MTTP: variants seen among roughly 807,000 people sequenced by gnomAD.
MTTP encodes microsomal triglyceride transfer protein large subunit.
In MTTP, 49 loss-of-function variants were observed where a neutral mutation model predicts 90.6. The observed-to-expected ratio is 0.54, with a 90% confidence interval of 0.43 to 0.69. The LOEUF is 0.69. Ranked by LOEUF, MTTP falls within the 30% of genes least tolerant of loss-of-function variation. The pLI is 0.00. For synonymous variants in MTTP, 347 were observed against 384.2 expected, an observed-to-expected ratio of 0.90 and a Z score of 1.13; for missense variants, 945 against 1,067.5, an observed-to-expected ratio of 0.89 and a Z score of 1.60.
At chr4:99,610,688 T>C (rs969710992) in intron 12 of MTTP, among the ~76,000 whole-genome samples, 6 of 152,144 alleles carry the variant, frequency 3.9e-5, no homozygotes, top group Admixed American at 2.6e-4. Flanking sequence ...TTCACAGATA[T>C]AGAAGAAATA....
intron 6 of MTTP, among the ~76,000 whole-genome samples, chr4:99,594,474 C>A (rs1725501262): frequency 6.6e-6 from 1 of 152,144 alleles, no homozygotes; most frequent in African/African-American, 2.4e-5. Context: ...ATCATCCAGG[C>A]AATTTTTCTT....
intron 1 of MTTP, among the ~76,000 whole-genome samples, chr4:99,565,791 C>T (rs990545975): frequency 5.9e-5 from 9 of 152,206 alleles, no homozygotes; most frequent in African/African-American, 2.2e-4. Flanking sequence ...AGGAGTTGTA[C>T]AGGTGTCAGA....
At chr4:99,577,023 C>T (rs1440309083) in intron 1 of MTTP, among the ~76,000 whole-genome samples, 1 of 152,132 alleles carries the variant, frequency 6.6e-6, no homozygotes, top group African/African-American at 2.4e-5. Flanking sequence ...CATCATGGTA[C>T]GTTGCTTATG....
At chr4:99,610,840 C>T (rs6532823) in intron 12 of MTTP, among the ~76,000 whole-genome samples, 6 of 152,124 alleles carry the variant, frequency 3.9e-5, no homozygotes, top group South Asian at 4.1e-4. Context: ...AAAACCATGA[C>T]GAATCAAAGA....
chr4:99,622,867 T>A lies in MTTP; in HGVS notation c.*19T>A, dbSNP rs762537539. ...GTTTTGAAACTGACCTGTGATATTT[T>A]ACTTGAATTTGTCTCCCCGAAAGGG... is the stretch of plus-strand genomic sequence containing the variant. On this transcript the variant is annotated 3_prime_UTR_variant, in exon 18 of 18. Transcript: ENST00000265517. 8.1e-6 allele frequency: 13 copies of A among 1,612,886 alleles called. No individual in the cohort carries two copies. The highest frequency in any genetic ancestry group is 1.1e-5 in the Non-Finnish European group (13 of 1,178,988).
chr4:99,564,906 A>G (rs1037970891), intron 1 of MTTP, among the ~76,000 whole-genome samples: 1 of 152,248 alleles, frequency 6.6e-6, no homozygotes, highest in African/African-American at 2.4e-5. Flanking sequence ...ACAAAACTAA[A>G]GTCACTCTTG....
At chr4:99,575,906 A>C (rs11937273) in intron 1 of MTTP, among the ~76,000 whole-genome samples, 39,852 of 152,134 alleles carry the variant, frequency 0.26, 5,393 homozygotes, top group South Asian at 0.35. Context: ...TTATAAACTT[A>C]TAAAACCTGT....
chr4:99,565,179 G>A (rs1407827410), intron 1 of MTTP, among the ~76,000 whole-genome samples: 1 of 152,200 alleles, frequency 6.6e-6, no homozygotes, highest in African/African-American at 2.4e-5. Context: ...CTGGCAAAGT[G>A]ATGTGCCAAA....
rs773271762 is a variant in MTTP at position 99,589,648 on chromosome 4, A to G, written c.399A>G (p.Lys133=). The G allele has an allele frequency of 1.3e-6, 2 of 1,587,884 alleles. No homozygotes were observed. The highest frequency in any genetic ancestry group is 2.2e-5 in the South Asian group (2 of 90,536). ...TLLHLIHGKV[K]EFYSYQNEAV... is the part of the protein sequence containing the mutation. ...TGTTCCCCTCTCCCCACCAGGTCAAAGAGTTCTACTCATATCAAAATGAGG... is the reference window on the plus strand; with the variant it reads ...TGTTCCCCTCTCCCCACCAGGTCAAGGAGTTCTACTCATATCAAAATGAGG... Residue 133 remains lysine (K), a synonymous_variant, in exon 4 of 18, where the codon AAA becomes AAG. Transcript: ENST00000265517.
intron 6 of MTTP, among the ~76,000 whole-genome samples, chr4:99,592,549 T>A (rs1725456670): frequency 6.6e-6 from 1 of 151,830 alleles, no homozygotes; most frequent in South Asian, 2.1e-4. Context: ...TTTTAAAAAT[T>A]TCTGGTTAAA....
At chr4:99,594,969 A>G (rs960758071) in intron 7 of MTTP, 86 bp downstream of exon 7, 2 of 1,520,910 alleles carry the variant, frequency 1.3e-6, no homozygotes, top group Admixed American at 3.4e-5. Context: ...TCATTCAATG[A>G]AGACAGTTTC....
At chr4:99,581,793 G>C in intron 1 of MTTP, 112 bp from the exon 2 acceptor site, 1 of 1,051,950 alleles carries the variant, frequency 9.5e-7, no homozygotes, top group Non-Finnish European at 1.5e-6. Context: ...GTTTCAATCA[G>C]CGAATATTTA....
upstream of MTTP, among the ~76,000 whole-genome samples, chr4:99,570,009 C>T (rs976453614): frequency 1.3e-5 from 2 of 151,784 alleles, no homozygotes; most frequent in Admixed American, 1.3e-4. Flanking sequence ...TTCCTTGTGA[C>T]ACCATTTTTA....
intron 12 of MTTP, 123 bp from the exon 13 acceptor site, chr4:99,611,020 G>T: frequency 1.0e-6 from 1 of 971,888 alleles, no homozygotes; most frequent in Non-Finnish European, 1.6e-6. Context: ...CCTGGCTCTT[G>T]GAAAGGCATG....
chr4:99,620,228 C>G (rs1157657120), intron 16 of MTTP, among the ~76,000 whole-genome samples: 3 of 152,216 alleles, frequency 2.0e-5, no homozygotes, highest in Non-Finnish European at 2.9e-5. Flanking sequence ...TTACACTGAT[C>G]ATAACAGCAG....
At chr4:99,581,630 A>C (rs181044535) in intron 1 of MTTP, among the ~76,000 whole-genome samples, 98 of 150,784 alleles carry the variant, frequency 6.5e-4, no homozygotes, top group African/African-American at 5.4e-4. Flanking sequence ...ACAAAAAAAA[A>C]CCCAAAATAT....
Position 99,583,279 on chromosome 4 carries a change from CTCTT to C in MTTP, c.250-91_250-88del, listed in dbSNP as rs1183218178. The C allele has an allele frequency of 3.6e-6, 5 of 1,396,828 alleles. No homozygotes were observed. The African/African-American group carries it at 5.8e-5, about 16-fold the overall frequency. The allele number at this position is 1,396,828 out of a possible 1,614,324, so 86.5% of individuals were successfully genotyped here. Reference sequence around the variant, plus strand: ...AAATGACAGAAGAAATTGTGGCCAACTCTTTCTGTTTCTTTATCATTTTATTTTC... The same window carrying C: ...AAATGACAGAAGAAATTGTGGCCAACTCTGTTTCTTTATCATTTTATTTTC... On this transcript the variant is annotated intron_variant, in intron 2 of 17. Coordinates refer to ENST00000265517, the MANE Select transcript of MTTP (RefSeq NM_001386140.1).
chr4:99,581,797 A>G, intron 1 of MTTP, 108 bp from the exon 2 acceptor site: 4 of 1,121,484 alleles, frequency 3.6e-6, no homozygotes. Context: ...CAATCAGCGA[A>G]TATTTACCAA....
chr4:99,611,232 A>G lies in MTTP; in HGVS notation c.1859A>G (p.Tyr620Cys). Residue 620 changes from tyrosine to cysteine, a missense_variant, in exon 13 of 18, where the codon TAC (tyrosine) becomes TGC (cysteine). Coordinates refer to ENST00000265517, the MANE Select transcript of MTTP (RefSeq NM_001386140.1). Reference sequence around the variant, plus strand: ...GGATCTTCTTCTGCCTACACTGGCTACATAGAACGTATGTACACCAAAAAG... The same window carrying G: ...GGATCTTCTTCTGCCTACACTGGCTGCATAGAACGTATGTACACCAAAAAG... ...RSGSSSAYTG[Y>C]IERSPRSAST... 3.7e-6 allele frequency: 6 copies of G among 1,613,930 alleles called. No homozygotes were observed. The highest frequency in any genetic ancestry group is 5.1e-6 in the Non-Finnish European group (6 of 1,179,792).
Sources: allele counts gnomAD v4.1 joint callset (sites outside exome capture counted in the v4.1 genomes callset), GRCh38; gene constraint gnomAD v4.1.1; transcripts MANE v1.5; gene names NCBI Gene and HGNC (gene_info 2026-07-23, HGNC 2026-07-21).